Variants in HEATR4 observed in about 807,000 individuals in gnomAD.
The protein encoded by HEATR4 is HEAT repeat containing 4.
A neutral mutation model predicts 108.8 loss-of-function variants in HEATR4; 95 were observed. The observed-to-expected ratio is 0.87, with a 90% confidence interval of 0.74 to 1.04. The LOEUF (loss-of-function observed/expected upper bound fraction) is 1.04. Among genes scored for constraint, HEATR4 ranks in the 50% least tolerant of loss-of-function variants. The pLI is 0.00. For synonymous variants in HEATR4, 443 were observed against 459.4 expected, an observed-to-expected ratio of 0.96 and a Z score of 0.46; for missense variants, 1,152 against 1,253.8, an observed-to-expected ratio of 0.92 and a Z score of 1.23.
At chr14:73,586,078 CATTT>C in the HEATR4 span, among the ~76,000 whole-genome samples, 8 of 144,432 alleles carry the variant, frequency 5.5e-5, no homozygotes, top group African/African-American at 1.0e-4. Context: ...TTATGGAAAA[CATTT>C]ATTTTTTATT....
rs572791022 is a variant in HEATR4, at chr14:73,490,980, C to G, written c.2844+2086G>C. ...TTCAGGAACCGCTTTAGCTTCGCCC[C>G]CGGCCGGCCGGGCGGGGAAGACTGG... On this transcript the variant is annotated intron_variant, in intron 17 of 17. Coordinates refer to ENST00000553558, the MANE Select transcript of HEATR4 (RefSeq NM_001220484.1). 1.5e-5 allele frequency: 20 copies of G among 1,321,354 alleles called. No individual in the cohort carries two copies. In the South Asian group the frequency reaches 4.3e-4, roughly 28 times the overall value. 81.9% of individuals were successfully genotyped at this position (1,321,354 alleles called of 1,614,324 possible).
At chr14:73,590,996 C>T in the HEATR4 span, among the ~76,000 whole-genome samples, 1 of 152,382 alleles carries the variant, frequency 6.6e-6, no homozygotes, top group East Asian at 1.9e-4. Flanking sequence ...ATCACTAGCA[C>T]TTTGGGACTA....
At chr14:73,511,712 CA>C in intron 7 of HEATR4, among the ~76,000 whole-genome samples, 1 of 151,874 alleles carries the variant, frequency 6.6e-6, no homozygotes, top group South Asian at 2.1e-4. Context: ...CAGTCTCTAC[CA>C]AAAACAAAAA....
At chr14:73,493,954 T>A (rs1454611081) in intron 16 of HEATR4, among the ~76,000 whole-genome samples, 2 of 152,258 alleles carry the variant, frequency 1.3e-5, no homozygotes, top group Non-Finnish European at 2.9e-5. Context: ...AATTATTTTC[T>A]ACCAGCTTGT....
intron 8 of HEATR4, 58 bp from the exon 9 acceptor site, chr14:73,508,352 C>G: frequency 6.5e-7 from 1 of 1,546,930 alleles, no homozygotes; most frequent in Non-Finnish European, 8.9e-7. Flanking sequence ...CCCTAGAGAA[C>G]AGCCTTTGGA....
chr14:73,570,110 CTT>C, the HEATR4 span, among the ~76,000 whole-genome samples: 12 of 140,590 alleles, frequency 8.5e-5, no homozygotes, highest in South Asian at 2.2e-4. Flanking sequence ...GGGAGTTACA[CTT>C]TTTTTTTTTT....
intron 17 of HEATR4, among the ~76,000 whole-genome samples, chr14:73,485,185 A>C (rs1885404126): frequency 6.6e-6 from 1 of 152,008 alleles, no homozygotes; most frequent in South Asian, 2.1e-4. Context: ...AAGAATAAAG[A>C]AAAGAAAAGA....
chr14:73,618,884 A>G, the HEATR4 span, among the ~76,000 whole-genome samples: 58 of 152,260 alleles, frequency 3.8e-4, no homozygotes, highest in African/African-American at 1.3e-3. Flanking sequence ...TAATCCCAGC[A>G]CTTTGGGAGG....
the HEATR4 span, chr14:73,595,333 GGGGCCCATCCT>G: frequency 6.2e-7 from 1 of 1,614,128 alleles, no homozygotes; most frequent in African/African-American, 1.3e-5. Context: ...AGAAGGCCCA[GGGGCCCATCCT>G]GCTCATTGTT....
rs1438025758 is a variant in HEATR4, at chr14:73,498,062, G to A, written c.2546+93C>T. 11 of 1,204,512 alleles carry A rather than the reference G, an allele frequency of 9.1e-6. No homozygotes were observed. In the Admixed American group the frequency reaches 2.4e-4, roughly 26 times the overall value. 74.6% of individuals were successfully genotyped at this position (1,204,512 alleles called of 1,614,324 possible). A position where few individuals can be genotyped will look rare whatever the true frequency, so the allele number is the denominator to read the frequency against. On this transcript the variant is annotated intron_variant, in intron 14 of 17. Coordinates refer to ENST00000553558, the MANE Select transcript of HEATR4 (RefSeq NM_001220484.1). ...TGAACCAGTGCTTTTACTGCCATTA[G>A]GTAGCCTGGAAAGGCAGGGACATAT...
At chr14:73,531,899 G>A (rs1322414191) in intron 1 of HEATR4, among the ~76,000 whole-genome samples, 1 of 113,804 alleles carries the variant, frequency 8.8e-6, no homozygotes, top group Non-Finnish European at 1.9e-5. Context: ...GGGCCTGGTG[G>A]CGCATGCCTG....
rs1456347462 is a variant in HEATR4 at position 73,558,807 on chromosome 14, C to T, written c.-208G>A. The T allele has an allele frequency of 6.6e-6, 1 of 151,130 alleles. No individual in the cohort carries two copies. The highest frequency in any genetic ancestry group is 1.5e-5 in the Non-Finnish European group (1 of 67,794). The allele number at this position is 151,130 out of a possible 1,614,324, so 9.4% of individuals were successfully genotyped here. ...CTACCTCAGGTTGCCCCTCATCTTC[C>T]AGCTGACACCATCCAGCACCTTTCA... On this transcript the variant is annotated 5_prime_UTR_variant, in exon 1 of 18. Coordinates refer to ENST00000553558, the MANE Select transcript of HEATR4 (RefSeq NM_001220484.1).
chr14:73,531,954 C>G (rs1888721506), intron 1 of HEATR4, among the ~76,000 whole-genome samples: 1 of 114,608 alleles, frequency 8.7e-6, no homozygotes, highest in South Asian at 2.8e-4. Context: ...ATCGCCTGGA[C>G]CCAGGAAGCA....
chr14:73,597,063 A>AATTTT, the HEATR4 span, among the ~76,000 whole-genome samples: 49 of 138,182 alleles, frequency 3.5e-4, no homozygotes, highest in African/African-American at 1.4e-3. Context: ...TGTTTATGGT[A>AATTTT]ATTTTATTTT....
chr14:73,619,848 C>T, the HEATR4 span: 1 of 1,572,678 alleles, frequency 6.4e-7, no homozygotes, highest in Non-Finnish European at 8.6e-7. Flanking sequence ...AACATTGTAG[C>T]CACAGACCAG....
In HEATR4 at chr14:73,531,114, C is replaced by G. The variant is rs371543297; in HGVS notation, c.-151-870G>C. The G allele has an allele frequency of 6.2e-5, 7 of 112,016 alleles. 1 individual carries two copies. In the East Asian group the frequency reaches 4.3e-3, roughly 68 times the overall value. The allele number at this position is 112,016 out of a possible 1,614,324, so 6.9% of individuals were successfully genotyped here. On this transcript the variant is annotated intron_variant, in intron 1 of 17. Coordinates refer to ENST00000553558, the MANE Select transcript of HEATR4 (RefSeq NM_001220484.1). ...CCAGCTGACACCATCCAGCACCTTT[C>G]AGATACTGGCAAAGGAGCAGTGTTT...
At chr14:73,591,731 G>C in the HEATR4 span, 33 of 410,714 alleles carry the variant, frequency 8.0e-5, no homozygotes, top group Admixed American at 3.1e-4. Flanking sequence ...TGCGCGCCCC[G>C]GGGCCCAAGG....
rs143819070 is a variant in HEATR4 at position 73,498,307 on chromosome 14, C to T, written c.2394G>A (p.Thr798=). The change falls in exon 14 of 18, where the codon ACG becomes ACA. Residue 798 remains threonine (T), a synonymous_variant. Coordinates refer to ENST00000553558, the MANE Select transcript of HEATR4 (RefSeq NM_001220484.1). ...AGTGGATAGCCCAGAGCAGAAGATC[C>T]GTCAGCTCGGGACTTACTTGCCCAA... The part of the protein sequence containing the change: ...GQIGQVSPEL[T]DLLLWAIHYE... 9 of 1,610,866 alleles carry T rather than the reference C, an allele frequency of 5.6e-6. No individual in the cohort carries two copies. Among genetic ancestry groups the T allele is most frequent in the African/African-American group, 5.3e-5 (4 of 74,858 alleles).
intron 17 of HEATR4, among the ~76,000 whole-genome samples, chr14:73,488,188 G>A (rs1197651895): frequency 6.6e-6 from 1 of 152,210 alleles, no homozygotes; most frequent in Non-Finnish European, 1.5e-5. Context: ...AATGTTAGAT[G>A]AGGGACCTGG....
Sources: allele counts gnomAD v4.1 joint callset (sites outside exome capture counted in the v4.1 genomes callset), GRCh38; gene constraint gnomAD v4.1.1; transcripts MANE v1.5; gene names NCBI Gene and HGNC (gene_info 2026-07-23, HGNC 2026-07-21).